The following SNTG2 variants were observed in gnomAD, a reference collection of about 807,000 sequenced individuals.
SNTG2 encodes the protein syntrophin gamma 2, also known as gamma-2-syntrophin.
A neutral mutation model predicts 70.9 loss-of-function variants in SNTG2; 74 were observed. That is an observed-to-expected ratio of 1.04 (90% CI 0.86 to 1.27). The LOEUF (loss-of-function observed/expected upper bound fraction) is 1.27, where lower values mean the gene tolerates loss of function less well. Ranked by LOEUF, SNTG2 falls within the 50% of genes most tolerant of loss-of-function variation. SNTG2 has a pLI of 0.00. For synonymous variants in SNTG2, 278 were observed against 273.8 expected, an observed-to-expected ratio of 1.02 and a Z score of -0.15; for missense variants, 717 against 690.7, an observed-to-expected ratio of 1.04 and a Z score of -0.43.
intron 6 of SNTG2, among the ~76,000 whole-genome samples, chr2:1,145,447 T>C (rs928176976): frequency 6.6e-6 from 1 of 152,182 alleles, no homozygotes; most frequent in African/African-American, 2.4e-5. Context: ...GCTGACAAAT[T>C]TGATAACCTG....
chr2:1,262,838 G>C (rs1290396803), intron 13 of SNTG2: 4 of 152,174 alleles, frequency 2.6e-5, no homozygotes, highest in Admixed American at 6.5e-5. Context: ...CGGTCCAGAC[G>C]AGGAAACCCG....
intron 14 of SNTG2, among the ~76,000 whole-genome samples, chr2:1,286,661 A>G (rs1412421554): frequency 1.3e-5 from 2 of 152,188 alleles, no homozygotes; most frequent in Admixed American, 6.5e-5. Context: ...TCCAGTGAGG[A>G]CAAACCTCTG....
At chr2:1,204,450 C>G (rs986231885) in intron 8 of SNTG2, among the ~76,000 whole-genome samples, 3 of 152,218 alleles carry the variant, frequency 2.0e-5, no homozygotes, top group Admixed American at 2.0e-4. Context: ...TGATGCCTCT[C>G]TTATCTGTAG....
At chr2:1,333,599 C>CAATG in intron 16 of SNTG2, among the ~76,000 whole-genome samples, 1 of 152,178 alleles carries the variant, frequency 6.6e-6, no homozygotes, top group East Asian at 1.9e-4. Flanking sequence ...AGACATAGAC[C>CAATG]AATGGAACAG....
At chr2:991,380 C>G (rs1661486251) in intron 1 of SNTG2, among the ~76,000 whole-genome samples, 2 of 150,640 alleles carry the variant, frequency 1.3e-5, no homozygotes, top group South Asian at 4.2e-4. Context: ...ATTACACACA[C>G]ACACACACAC....
chr2:1,267,361 T>C lies in SNTG2; in HGVS notation c.1078-4T>C. The C allele has an allele frequency of 6.3e-7, 1 of 1,591,128 alleles. No homozygotes were observed. The highest frequency in any genetic ancestry group is 1.8e-5 in the Admixed American group (1 of 56,472). ...ACGTTTCCAATCCATGCTCTGTTTT[T>C]CAGTTCTGGCTCACAGAGGACTGCT... On this transcript the variant is annotated splice_region_variant and splice_polypyrimidine_tract_variant and intron_variant, in intron 13 of 16. Coordinates refer to ENST00000308624, the MANE Select transcript of SNTG2 (RefSeq NM_018968.4).
intron 14 of SNTG2, among the ~76,000 whole-genome samples, chr2:1,289,373 C>G (rs1162188732): frequency 6.6e-6 from 1 of 152,018 alleles, no homozygotes; most frequent in African/African-American, 2.4e-5. Context: ...CCTGCTCAGT[C>G]TACTCACTGC....
rs564329908 is a variant in SNTG2 at position 1,244,523 on chromosome 2, T to C, written c.889-2804T>C. ...CATCCTGGCTAACACGGTGAAACCCTGTCTCTACTAAAAATACAAAAAATT... is the reference window on the plus strand; with the variant it reads ...CATCCTGGCTAACACGGTGAAACCCCGTCTCTACTAAAAATACAAAAAATT... On this transcript the variant is annotated intron_variant, in intron 11 of 16. Coordinates refer to ENST00000308624, the MANE Select transcript of SNTG2 (RefSeq NM_018968.4). Among the ~76,000 whole-genome samples, 75 of 151,890 alleles carry C rather than the reference T, an allele frequency of 4.9e-4. 1 individual carries two copies. Among genetic ancestry groups the C allele is most frequent in the Admixed American group, 7.2e-4 (11 of 15,262 alleles).
chr2:1,139,377 G>A (rs7608199), intron 6 of SNTG2, among the ~76,000 whole-genome samples: 85,393 of 151,926 alleles, frequency 0.56, 24,517 homozygotes, highest in Middle Eastern at 0.72. Context: ...GATTATAGAC[G>A]CCCACCACCA....
chr2:971,714 C>CT (rs60378106), intron 1 of SNTG2, among the ~76,000 whole-genome samples: 35,630 of 144,866 alleles, frequency 0.25, 4,933 homozygotes, highest in Middle Eastern at 0.39. Flanking sequence ...CAGTTTCCTC[C>CT]TTTTTTTTTT....
intron 1 of SNTG2, among the ~76,000 whole-genome samples, chr2:1,005,525 T>G (rs1296734294): frequency 6.6e-6 from 1 of 151,724 alleles, no homozygotes; most frequent in African/African-American, 2.4e-5. Context: ...ACGTTGGAGC[T>G]GGGCACAGTG....
At chr2:981,700 CAT>C (rs1313300887) in intron 1 of SNTG2, among the ~76,000 whole-genome samples, 1 of 152,210 alleles carries the variant, frequency 6.6e-6, no homozygotes, top group Non-Finnish European at 1.5e-5. Flanking sequence ...CACATATACA[CAT>C]GCACACACAA....
intron 14 of SNTG2, among the ~76,000 whole-genome samples, chr2:1,273,050 G>A (rs1436341676): frequency 6.6e-6 from 1 of 152,200 alleles, no homozygotes; most frequent in Non-Finnish European, 1.5e-5. Context: ...TGTTAGAGGA[G>A]CCGGTCACGC....
At chr2:1,068,481 C>G (rs1663304111) in intron 1 of SNTG2, 1 of 152,164 alleles carries the variant, frequency 6.6e-6, no homozygotes, top group Non-Finnish European at 1.5e-5. Context: ...GCCCTGCATC[C>G]TTCATGGCAT....
intron 1 of SNTG2, among the ~76,000 whole-genome samples, chr2:1,064,627 A>C (rs918351765): frequency 3.9e-5 from 6 of 152,156 alleles, no homozygotes; most frequent in Non-Finnish European, 1.5e-5. Context: ...GGTGATAGGA[A>C]AAGCTTTTAT....
At chr2:1,028,802 C>A (rs1355859820) in intron 1 of SNTG2, among the ~76,000 whole-genome samples, 1 of 151,354 alleles carries the variant, frequency 6.6e-6, no homozygotes, top group Admixed American at 6.6e-5. Context: ...TCTCACCCTG[C>A]GCTTCTAAGC....
chr2:1,018,471 T>G (rs2148005632), intron 1 of SNTG2, among the ~76,000 whole-genome samples: 1 of 152,130 alleles, frequency 6.6e-6, no homozygotes, highest in African/African-American at 2.4e-5. Flanking sequence ...TGGCAAAAGA[T>G]GGGGCCTTGG....
chr2:1,015,293 G>A lies in SNTG2; in HGVS notation c.72+64225G>A, dbSNP rs1442879227. Among the ~76,000 whole-genome samples, 5 of 152,154 alleles carry A rather than the reference G, an allele frequency of 3.3e-5. No individual in the cohort carries two copies. The East Asian group carries it at 9.7e-4, about 29-fold the overall frequency. On this transcript the variant is annotated intron_variant, in intron 1 of 16. Coordinates refer to ENST00000308624, the MANE Select transcript of SNTG2 (RefSeq NM_018968.4). ...GTCTAGTTAAAGGCTTGATAGAAGG[G>A]ATTTTTAGATGCCATTAAAAATGAC...
intron 1 of SNTG2, among the ~76,000 whole-genome samples, chr2:1,045,185 T>C (rs894602781): frequency 2.0e-5 from 3 of 152,074 alleles, no homozygotes; most frequent in East Asian, 3.9e-4. Flanking sequence ...TGCATAGTGG[T>C]GTTCATAGTA....
Sources: allele counts gnomAD v4.1 joint callset (sites outside exome capture counted in the v4.1 genomes callset), GRCh38; gene constraint gnomAD v4.1.1; transcripts MANE v1.5; gene names NCBI Gene and HGNC (gene_info 2026-07-23, HGNC 2026-07-21).